TPTE2: variants seen among roughly 807,000 people sequenced by gnomAD.
TPTE2 encodes transmembrane phosphoinositide 3-phosphatase and tensin homolog 2.
TPTE2 carries 53 observed loss-of-function variants against 78.6 expected under a neutral mutation model. The observed-to-expected ratio is 0.67, with a 90% CI of 0.54 to 0.85. The LOEUF is 0.85. Among genes scored for constraint, TPTE2 ranks in the 40% least tolerant of loss-of-function variants. The probability of loss-of-function intolerance (pLI) is 0.00; values close to 1 mark genes in which losing one functional copy is unlikely to be tolerated. For missense variants in TPTE2, 461 were observed against 623.0 expected, an observed-to-expected ratio of 0.74 and a Z score of 2.77; for synonymous variants, 175 against 206.2, an observed-to-expected ratio of 0.85 and a Z score of 1.30.
chr13:19,489,850 A>G (rs1203448182), intron 3 of TPTE2, among the ~76,000 whole-genome samples: 1 of 152,042 alleles, frequency 6.6e-6, no homozygotes, highest in Non-Finnish European at 1.5e-5. Context: ...AAGGTGAGTT[A>G]TATCAAAGAT....
intron 10 of TPTE2, among the ~76,000 whole-genome samples, chr13:19,460,320 T>C (rs1414939022): frequency 1.3e-5 from 2 of 152,220 alleles, no homozygotes; most frequent in Non-Finnish European, 2.9e-5. Flanking sequence ...TTTGGCTCCA[T>C]GCCGCCCCCG....
chr13:19,423,382 C>T (rs1875754069), intron 19 of TPTE2, among the ~76,000 whole-genome samples: 1 of 152,146 alleles, frequency 6.6e-6, no homozygotes, highest in Admixed American at 6.5e-5. Flanking sequence ...TGCTGACTCT[C>T]TTAGCATTGC....
At chr13:19,445,904 G>C (rs577215115) in intron 13 of TPTE2, among the ~76,000 whole-genome samples, 1 of 152,288 alleles carries the variant, frequency 6.6e-6, no homozygotes, top group South Asian at 2.1e-4. Context: ...TCATGTCACT[G>C]CACTCCAGCC....
intron 14 of TPTE2, 104 bp downstream of exon 17, chr13:19,437,988 T>A: frequency 6.8e-7 from 1 of 1,474,754 alleles, no homozygotes. Context: ...ACAATTTTAC[T>A]AAGCACCATG....
chr13:19,482,150 C>A, intron 4 of TPTE2, among the ~76,000 whole-genome samples: 1 of 152,034 alleles, frequency 6.6e-6, no homozygotes, highest in Non-Finnish European at 1.5e-5. Context: ...CACACCATAT[C>A]CAGTAAAAAT....
the TPTE2 span, among the ~76,000 whole-genome samples, chr13:19,550,802 TA>T: frequency 1.7e-3 from 254 of 151,126 alleles, 4 homozygotes; most frequent in Admixed American, 0.011. Context: ...TTTATTTATT[TA>T]TTTTTTTCTT....
In TPTE2 at chr13:19,450,068, G is replaced by T. The variant is rs1009398315; in HGVS notation, c.973+8C>A. ...GAAAGGGAAAAATGAAAAGGAAAAT[G>T]TTATTACCTTTGCCTCCTTTACAGT... On this transcript the variant is annotated splice_region_variant and intron_variant, in intron 13 of 19. Coordinates refer to ENST00000400230, the Ensembl canonical transcript of TPTE2. The T allele has an allele frequency of 8.1e-6, 13 of 1,610,374 alleles. No individual in the cohort carries two copies. Among genetic ancestry groups the T allele is most frequent in the African/African-American group, 4.0e-5 (3 of 74,770 alleles).
intron 1 of TPTE2, among the ~76,000 whole-genome samples, chr13:19,528,911 G>C (rs1870692063): frequency 6.6e-6 from 1 of 152,112 alleles, no homozygotes; most frequent in Non-Finnish European, 1.5e-5. Context: ...CCTGAGGTCA[G>C]GAGTTCAAGA....
At chr13:19,558,360 T>G in the TPTE2 span, among the ~76,000 whole-genome samples, 1 of 152,230 alleles carries the variant, frequency 6.6e-6, no homozygotes, top group Non-Finnish European at 1.5e-5. Flanking sequence ...ATTGTAGGCC[T>G]GACCCTATAA....
At chr13:19,495,031 C>T (rs761693596) in intron 1 of TPTE2, among the ~76,000 whole-genome samples, 1 of 152,192 alleles carries the variant, frequency 6.6e-6, no homozygotes, top group Non-Finnish European at 1.5e-5. Context: ...GTATCTACAC[C>T]TCAATGTGTA....
intron 4 of TPTE2, among the ~76,000 whole-genome samples, chr13:19,478,091 T>C (rs1340413486): frequency 6.6e-6 from 1 of 152,156 alleles, no homozygotes; most frequent in Middle Eastern, 3.2e-3. Flanking sequence ...TAAATAATAA[T>C]TGTTAATGTA....
intron 15 of TPTE2, among the ~76,000 whole-genome samples, chr13:19,432,885 G>C (rs150081917): frequency 0.025 from 3,751 of 152,218 alleles, 65 homozygotes; most frequent in Middle Eastern, 0.051. Flanking sequence ...AGCATCATCA[G>C]TGTCCAGACA....
At chr13:19,497,485 C>T (rs1033097621) in intron 1 of TPTE2, among the ~76,000 whole-genome samples, 21 of 98,012 alleles carry the variant, frequency 2.1e-4, no homozygotes, top group Non-Finnish European at 4.9e-4. Context: ...CAAGTGGGTC[C>T]CTGACCCCTG....
chr13:19,548,674 A>G, the TPTE2 span, among the ~76,000 whole-genome samples: 2 of 151,538 alleles, frequency 1.3e-5, no homozygotes, highest in African/African-American at 2.4e-5. Context: ...GAAGACTGAA[A>G]TTGGACCCCC....
At chr13:19,471,468 A>T (rs1161876206) in intron 6 of TPTE2, among the ~76,000 whole-genome samples, 1 of 152,092 alleles carries the variant, frequency 6.6e-6, no homozygotes. Context: ...TGAGGTTACC[A>T]TGAGGCTTGT....
rs899407180 is a variant in TPTE2 at position 19,486,726 on chromosome 13, CTT to C, written c.120-4181_120-4180del. On this transcript the variant is annotated intron_variant, in intron 3 of 19. Transcript: ENST00000400230. This position sits in a 1 kb window ranked among gnomAD's most constrained non-coding sequence, Gnocchi z 4.3. Reference sequence around the variant, plus strand: ...AGCTCCTAAGCTGGACTGAAGATATCTTTGCCAGGGCTGGCCAAGAGGGGGTG... The same window carrying C: ...AGCTCCTAAGCTGGACTGAAGATATCTGCCAGGGCTGGCCAAGAGGGGGTG... 2.0e-5 allele frequency among the ~76,000 whole-genome samples: 3 copies of C among 152,316 alleles called. No homozygotes were observed. Among genetic ancestry groups the C allele is most frequent in the Non-Finnish European group, 4.4e-5 (3 of 68,034 alleles).
At position 19,535,313 on chromosome 13, in the gene TPTE2, GTTT is replaced by G. The variant is rs1223475142; in HGVS notation, c.-44+1280_-44+1282del. On this transcript the variant is annotated intron_variant, in intron 1 of 17. Transcript: ENST00000390680. The surrounding 1 kb of genome is among the most constrained non-coding windows in gnomAD (Gnocchi z 5.1). The stretch of plus-strand genomic sequence containing the variant: ...ATGTATAAATAGTCAAACGAAGGAT[GTTT>G]TTAACAACATGGTCCCAACTGTGGA... 6.6e-6 allele frequency among the ~76,000 whole-genome samples: 1 copy of G among 151,976 alleles called. No individual in the cohort carries two copies. The highest frequency in any genetic ancestry group is 1.5e-5 in the Non-Finnish European group (1 of 68,002).
chr13:19,555,162 A>G, the TPTE2 span, among the ~76,000 whole-genome samples: 1 of 152,214 alleles, frequency 6.6e-6, no homozygotes, highest in Non-Finnish European at 1.5e-5. Flanking sequence ...ACATGTATGT[A>G]CTAGCCCTCA....
chr13:19,558,195 T>C, the TPTE2 span, among the ~76,000 whole-genome samples: 6 of 152,228 alleles, frequency 3.9e-5, no homozygotes, highest in Admixed American at 1.3e-4. Context: ...AGGCAAGTAA[T>C]TGCATGGTTT....
Sources: allele counts gnomAD v4.1 joint callset (sites outside exome capture counted in the v4.1 genomes callset), GRCh38; gene constraint gnomAD v4.1.1; non-coding constraint Gnocchi (gnomAD v3.1); transcripts MANE v1.5; gene names NCBI Gene and HGNC (gene_info 2026-07-23, HGNC 2026-07-21).